ARHGEF4: variants seen among roughly 807,000 people sequenced by gnomAD.
ARHGEF4 encodes the protein APC-stimulated guanine nucleotide exchange factor 1.
A neutral mutation model predicts 162.0 loss-of-function variants in ARHGEF4; 119 were observed. The observed-to-expected ratio is 0.73, with a 90% confidence interval of 0.63 to 0.86. ARHGEF4 has a LOEUF of 0.86. Among genes scored for constraint, ARHGEF4 ranks in the 40% least tolerant of loss-of-function variants. The probability of loss-of-function intolerance (pLI) is 0.00; values close to 1 mark genes in which losing one functional copy is unlikely to be tolerated. For synonymous variants in ARHGEF4, 1,014 were observed against 979.9 expected, an observed-to-expected ratio of 1.03 and a Z score of -0.65; for missense variants, 2,488 against 2,456.0, an observed-to-expected ratio of 1.01 and a Z score of -0.28.
At chr2:131,038,413 C>A (rs1690469016) in intron 5 of ARHGEF4, among the ~76,000 whole-genome samples, 1 of 149,252 alleles carries the variant, frequency 6.7e-6, no homozygotes, top group African/African-American at 2.5e-5. Context: ...TCAGCCTCTC[C>A]CTCCTGCAGC....
At chr2:130,952,478 A>T (rs543498069) in intron 4 of ARHGEF4, among the ~76,000 whole-genome samples, 23 of 152,312 alleles carry the variant, frequency 1.5e-4, no homozygotes, top group African/African-American at 5.5e-4. Context: ...CAAAAACTGG[A>T]AGCATTCCCT....
intron 4 of ARHGEF4, among the ~76,000 whole-genome samples, chr2:131,010,580 T>G (rs905219204): frequency 6.6e-6 from 1 of 152,372 alleles, no homozygotes; most frequent in East Asian, 1.9e-4. Context: ...AGAGCAAGCA[T>G]GTGCTTCTGT....
chr2:130,988,893 TATATATATAGAGAG>T (rs869106048), intron 4 of ARHGEF4, among the ~76,000 whole-genome samples: 4,605 of 112,734 alleles, frequency 0.041, 72 homozygotes, highest in Non-Finnish European at 0.058. Flanking sequence ...TATATATATA[TATATATATAGAGAG>T]AGAGAGAGAG....
At chr2:130,897,742 G>A (rs1012380078) in intron 1 of ARHGEF4, among the ~76,000 whole-genome samples, 25 of 152,328 alleles carry the variant, frequency 1.6e-4, no homozygotes, top group Middle Eastern at 3.4e-3. Context: ...GTTCAGGCAG[G>A]TCAGGTCCCT....
Position 130,844,234 on chromosome 2 carries a change from A to G in ARHGEF4, c.39+7242A>G, listed in dbSNP as rs976869784. On this transcript the variant is annotated intron_variant, in intron 1 of 13. Coordinates refer to ENST00000409359, the MANE Select transcript of ARHGEF4 (RefSeq NM_001367493.1). ...TCATCTCTGCAATGGGCTGCCCCTC[A>G]CCTTCTGCCAGTTATAAGGTGGTGA... 2.0e-5 allele frequency among the ~76,000 whole-genome samples: 3 copies of G among 152,130 alleles called. No individual in the cohort carries two copies. The East Asian group carries it at 5.8e-4, about 30-fold the overall frequency.
At chr2:130,921,614 G>A (rs928865135) in intron 2 of ARHGEF4, among the ~76,000 whole-genome samples, 7 of 152,060 alleles carry the variant, frequency 4.6e-5, no homozygotes, top group African/African-American at 1.7e-4. Flanking sequence ...TTTAATTTTA[G>A]CCATTCTGCT....
intron 1 of ARHGEF4, among the ~76,000 whole-genome samples, chr2:130,907,241 C>G (rs1680872062): frequency 1.1e-4 from 1 of 8,710 alleles, no homozygotes. Context: ...GAGACAGAGT[C>G]TCGCTCTGGA....
At chr2:130,895,944 G>A (rs553017685) in intron 1 of ARHGEF4, among the ~76,000 whole-genome samples, 126 of 152,216 alleles carry the variant, frequency 8.3e-4, no homozygotes, top group African/African-American at 2.9e-3. Context: ...TTCTATGAGT[G>A]TTATGGTTTA....
At chr2:130,901,722 T>C (rs562105440) in intron 1 of ARHGEF4, among the ~76,000 whole-genome samples, 131 of 152,276 alleles carry the variant, frequency 8.6e-4, no homozygotes, top group African/African-American at 2.9e-3. Context: ...GGTTTCGCCA[T>C]GTTGGCCAGG....
intron 4 of ARHGEF4, among the ~76,000 whole-genome samples, chr2:130,982,612 CCTTTCTTCTTTT>C (rs77474424): frequency 0.61 from 90,988 of 148,224 alleles, 31,724 homozygotes; most frequent in Non-Finnish European, 0.77. Context: ...TCCTCCTCCT[CCTTTCTTCTTTT>C]CTTTCTTACC....
intron 4 of ARHGEF4, among the ~76,000 whole-genome samples, chr2:131,022,384 G>T (rs1689187067): frequency 6.6e-6 from 1 of 151,784 alleles, no homozygotes; most frequent in Non-Finnish European, 1.5e-5. Context: ...GTCAGTTTTG[G>T]TAGATTATGT....
At chr2:130,874,134 C>T (rs1044052287) in intron 1 of ARHGEF4, among the ~76,000 whole-genome samples, 2 of 152,166 alleles carry the variant, frequency 1.3e-5, no homozygotes, top group Admixed American at 6.5e-5. Context: ...TCTGCCCCAG[C>T]GACTCACCCC....
intron 4 of ARHGEF4, among the ~76,000 whole-genome samples, chr2:130,981,598 G>C (rs1686121459): frequency 1.3e-5 from 2 of 150,994 alleles, no homozygotes; most frequent in East Asian, 3.9e-4. Flanking sequence ...GGTGGAGGTT[G>C]CAGTGAGCAA....
chr2:130,903,247 CT>C (rs59665239), intron 1 of ARHGEF4, among the ~76,000 whole-genome samples: 1 of 143,782 alleles, frequency 7.0e-6, no homozygotes, highest in Non-Finnish European at 1.5e-5. Context: ...TTTATCTTGA[CT>C]TTTTTTTTTC....
intron 2 of ARHGEF4, 131 bp downstream of exon 2, chr2:130,917,629 C>T: frequency 5.9e-6 from 7 of 1,176,608 alleles, no homozygotes; most frequent in South Asian, 1.7e-5. Flanking sequence ...GTTACACTCC[C>T]AGCCGCCCCC....
At chr2:131,001,478 G>A (rs996120977) in intron 4 of ARHGEF4, among the ~76,000 whole-genome samples, 2 of 152,152 alleles carry the variant, frequency 1.3e-5, no homozygotes, top group Admixed American at 6.6e-5. Context: ...AGCAACAAGA[G>A]AAACCATTCC....
At chr2:130,925,998 A>G (rs985486210) in intron 2 of ARHGEF4, among the ~76,000 whole-genome samples, 21 of 113,154 alleles carry the variant, frequency 1.9e-4, no homozygotes, top group African/African-American at 5.0e-4. Flanking sequence ...ATGATGCTCT[A>G]TTTGTTTGGT....
At chr2:130,853,121 A>C (rs187564661) in intron 1 of ARHGEF4, among the ~76,000 whole-genome samples, 190 of 152,296 alleles carry the variant, frequency 1.2e-3, no homozygotes, top group Middle Eastern at 3.4e-3. Flanking sequence ...CTTGGCCTTC[A>C]TATGGCACCA....
At chr2:130,892,082 G>A (rs1425855286) in intron 1 of ARHGEF4, among the ~76,000 whole-genome samples, 1 of 152,116 alleles carries the variant, frequency 6.6e-6, no homozygotes, top group African/African-American at 2.4e-5. Flanking sequence ...ACCTCAGCTG[G>A]GATTACAGGC....
Sources: allele counts gnomAD v4.1 joint callset (sites outside exome capture counted in the v4.1 genomes callset), GRCh38; gene constraint gnomAD v4.1.1; transcripts MANE v1.5; gene names NCBI Gene and HGNC (gene_info 2026-07-23, HGNC 2026-07-21).